The following OR56A3 variants were observed in gnomAD, a reference collection of about 807,000 sequenced individuals.
OR56A3 encodes the protein olfactory receptor family 56 subfamily A member 3, also known as olfactory receptor 56A3.
A neutral mutation model predicts 17.5 loss-of-function variants in OR56A3; 23 were observed. The observed-to-expected ratio is 1.32, with a 90% CI of 0.95 to 1.87. The LOEUF (loss-of-function observed/expected upper bound fraction) is 1.87. OR56A3 is among the 40% of genes most tolerant of loss of function. OR56A3 has a pLI of 0.00. For missense variants in OR56A3, 366 were observed against 380.1 expected (o/e 0.96, Z 0.31); for synonymous variants, 175 against 150.6 (o/e 1.16, Z -1.19).
chr11:5,955,813 T>TCTTGTTATA (rs1278076673), downstream of OR56A3, among the ~76,000 whole-genome samples: 41 of 152,326 alleles, frequency 2.7e-4, no homozygotes, highest in Middle Eastern at 6.8e-3. Context: ...TAAGCTCTAG[T>TCTTGTTATA]CTTGTTATAC....
chr11:5,961,178 G>C, the OR56A3 span, among the ~76,000 whole-genome samples: 1 of 151,396 alleles, frequency 6.6e-6, no homozygotes, highest in Non-Finnish European at 1.5e-5. Flanking sequence ...GAGGTGGGGG[G>C]CCCCTCTGCC....
chr11:6,013,534 C>G, the OR56A3 span, among the ~76,000 whole-genome samples: 5 of 152,178 alleles, frequency 3.3e-5, no homozygotes, highest in South Asian at 4.1e-4. Context: ...GGTGCAGGAA[C>G]CCAGTGCCCT....
the OR56A3 span, chr11:6,002,387 C>T: frequency 1.5e-4 from 250 of 1,614,202 alleles, 1 homozygote; most frequent in African/African-American, 3.1e-3. Context: ...CTGCCACAAA[C>T]TGGTAGAGCT....
the OR56A3 span, chr11:6,000,785 G>A: frequency 6.6e-6 from 1 of 152,100 alleles, no homozygotes; most frequent in Non-Finnish European, 1.5e-5. Flanking sequence ...CAGTGGCAGA[G>A]AAAACAAAGT....
the OR56A3 span, chr11:5,994,473 C>T: frequency 1.3e-6 from 1 of 752,482 alleles, no homozygotes; most frequent in Non-Finnish European, 2.4e-6. Flanking sequence ...ATGGTCAACC[C>T]AGAGCTGGCA....
the OR56A3 span, chr11:6,002,702 G>A: frequency 6.2e-7 from 1 of 1,614,236 alleles, no homozygotes; most frequent in Non-Finnish European, 8.5e-7. Flanking sequence ...AGCAGGCTGG[G>A]AAGCTGATCG....
the OR56A3 span, chr11:6,002,771 G>C: frequency 2.0e-4 from 325 of 1,613,834 alleles, no homozygotes; most frequent in Admixed American, 4.0e-4. Flanking sequence ...GGCAGAGCAC[G>C]ATGTCCAGCA....
chr11:6,002,985 G>T, the OR56A3 span: 1 of 1,614,110 alleles, frequency 6.2e-7, no homozygotes. Context: ...ATTGCTGGGA[G>T]ATGCCATGTA....
the OR56A3 span, chr11:5,968,545 A>G: frequency 7.9e-7 from 1 of 1,262,706 alleles, no homozygotes; most frequent in Non-Finnish European, 1.1e-6. Flanking sequence ...GTTTGATAAG[A>G]CACAGGAATT....
At chr11:5,956,365 TC>T in the OR56A3 span, among the ~76,000 whole-genome samples, 1 of 152,134 alleles carries the variant, frequency 6.6e-6, no homozygotes, top group Non-Finnish European at 1.5e-5. Flanking sequence ...ACTGGCAGTC[TC>T]CTCTCTAGGT....
the OR56A3 span, among the ~76,000 whole-genome samples, chr11:5,963,899 C>A: frequency 6.6e-6 from 1 of 151,856 alleles, no homozygotes; most frequent in African/African-American, 2.4e-5. Flanking sequence ...CTTTTTAGTT[C>A]TTTTTTTCTC....
the OR56A3 span, chr11:5,985,816 T>C: frequency 3.6e-6 from 3 of 830,616 alleles, no homozygotes; most frequent in Admixed American, 8.8e-5. Flanking sequence ...AGCATGGCAC[T>C]AGTAAGACTA....
chr11:5,946,627 C>T (rs1279355336), intron 2 of OR56A3, among the ~76,000 whole-genome samples: 1 of 152,178 alleles, frequency 6.6e-6, no homozygotes, highest in Non-Finnish European at 1.5e-5. Flanking sequence ...GCCCACTCTC[C>T]TTTTAAAGCT....
At chr11:5,959,814 G>A in the OR56A3 span, among the ~76,000 whole-genome samples, 1 of 152,106 alleles carries the variant, frequency 6.6e-6, no homozygotes, top group Non-Finnish European at 1.5e-5. Context: ...TCATATTTAA[G>A]TCTTTAGTTT....
At chr11:5,994,092 C>T in the OR56A3 span, 5 of 485,756 alleles carry the variant, frequency 1.0e-5, no homozygotes, top group Non-Finnish European at 2.0e-5. Flanking sequence ...ACTCGTGGGC[C>T]TGGTGCTGCC....
the OR56A3 span, among the ~76,000 whole-genome samples, chr11:5,975,575 T>G: frequency 5.9e-5 from 9 of 152,070 alleles, no homozygotes; most frequent in Non-Finnish European, 7.4e-5. Context: ...CCATGGTGTA[T>G]ATGTGCCACA....
the OR56A3 span, among the ~76,000 whole-genome samples, chr11:6,005,262 CA>C: frequency 6.6e-6 from 1 of 151,530 alleles, no homozygotes; most frequent in Non-Finnish European, 1.5e-5. Context: ...CATCAAAGGA[CA>C]AAAAAAATGA....
the OR56A3 span, among the ~76,000 whole-genome samples, chr11:5,961,700 C>G: frequency 1.3e-5 from 2 of 150,864 alleles, no homozygotes; most frequent in African/African-American, 4.9e-5. Flanking sequence ...TGTCCTATGA[C>G]CCTGCCAAAT....
the OR56A3 span, among the ~76,000 whole-genome samples, chr11:5,966,466 C>T: frequency 0.62 from 93,941 of 151,866 alleles, 29,556 homozygotes; most frequent in African/African-American, 0.72. Flanking sequence ...GGAGACATTC[C>T]GAAATGATTC....
Sources: gnomAD v4.1 joint callset for allele counts (sites outside exome capture counted in the v4.1 genomes callset) on GRCh38, gnomAD v4.1.1 for gene constraint, MANE v1.5 for transcripts, NCBI Gene and HGNC (gene_info 2026-07-23, HGNC 2026-07-21) for gene names.